The following TTC7A variants were observed in gnomAD, a reference collection of about 807,000 sequenced individuals.
The protein encoded by TTC7A is tetratricopeptide repeat domain 7A.
TTC7A carries 110 observed loss-of-function variants against 103.7 expected under a neutral mutation model. The observed-to-expected ratio is 1.06, with a 90% CI of 0.91 to 1.24. The LOEUF is 1.24. Ranked by LOEUF, TTC7A falls within the 50% of genes most tolerant of loss-of-function variation. The pLI is 0.00. For synonymous variants in TTC7A, 521 were observed against 467.9 expected, an observed-to-expected ratio of 1.11 and a Z score of -1.47; for missense variants, 1,340 against 1,116.3, an observed-to-expected ratio of 1.20 and a Z score of -2.86.
At chr2:47,011,818 G>T (rs1336245655) in intron 11 of TTC7A, among the ~76,000 whole-genome samples, 1 of 152,250 alleles carries the variant, frequency 6.6e-6, no homozygotes, top group African/African-American at 2.4e-5. Flanking sequence ...GGCCTGCAAG[G>T]CGCGATTCTG....
At chr2:47,005,435 A>G (rs1389396316) in intron 8 of TTC7A, among the ~76,000 whole-genome samples, 1 of 152,114 alleles carries the variant, frequency 6.6e-6, no homozygotes, top group African/African-American at 2.4e-5. Flanking sequence ...CTGTTCCATA[A>G]AACGACTGGC....
intron 19 of TTC7A, among the ~76,000 whole-genome samples, chr2:47,073,470 G>GGAAC (rs1684946710): frequency 6.6e-6 from 1 of 152,242 alleles, no homozygotes; most frequent in Admixed American, 6.5e-5. Flanking sequence ...GGCAGGAACA[G>GGAAC]AGCTCCTGCA....
At chr2:46,945,507 C>T (rs1345671742) in intron 1 of TTC7A, among the ~76,000 whole-genome samples, 2 of 152,242 alleles carry the variant, frequency 1.3e-5, no homozygotes, top group African/African-American at 2.4e-5. Context: ...CTCGGCCTCC[C>T]GAAGTGCTGG....
intron 16 of TTC7A, 127 bp from the exon 17 acceptor site, chr2:47,049,822 G>A (rs1682691016): frequency 1.4e-6 from 1 of 695,960 alleles, no homozygotes; most frequent in African/African-American, 1.8e-5. Flanking sequence ...CACAGCCCCA[G>A]AGCCTGCCTG....
intron 15 of TTC7A, among the ~76,000 whole-genome samples, chr2:47,044,472 A>G (rs1682094211): frequency 6.6e-6 from 1 of 151,972 alleles, no homozygotes; most frequent in Admixed American, 6.5e-5. Flanking sequence ...GGTCATTCCT[A>G]CTCAGGGCTG....
rs376234186 is a variant in TTC7A at position 46,997,983 on chromosome 2, G to A, written c.1065+2784G>A. 5.3e-5 allele frequency among the ~76,000 whole-genome samples: 8 copies of A among 152,122 alleles called. No individual in the cohort carries two copies. The South Asian group carries it at 8.3e-4, about 16-fold the overall frequency. On this transcript the variant is annotated intron_variant, in intron 8 of 19. Transcript: ENST00000319190. ...GCCAGGTGGGTTTTCCTGAGTATGC[G>A]ATCTCCTCCAAGCAGCTCTTTCCCT...
chr2:46,978,264 G>C (rs1674069972), intron 4 of TTC7A: 1 of 154,008 alleles, frequency 6.5e-6, no homozygotes. Flanking sequence ...GAGTGGAGAG[G>C]GGAACCTGAC....
intron 15 of TTC7A, among the ~76,000 whole-genome samples, chr2:47,039,045 G>A (rs1681460950): frequency 6.6e-6 from 1 of 152,122 alleles, no homozygotes; most frequent in Non-Finnish European, 1.5e-5. Context: ...CATGCGCCAG[G>A]CACAGGCTCT....
In TTC7A at chr2:47,007,378, A is replaced by G. The variant is rs1677531356; in HGVS notation, c.1287+654A>G. 6.6e-6 allele frequency among the ~76,000 whole-genome samples: 1 copy of G among 152,190 alleles called. No homozygotes were observed. Among genetic ancestry groups the G allele is most frequent in the East Asian group, 1.9e-4 (1 of 5,190 alleles). Reference sequence around the variant, plus strand: ...TATACTTACATAAGCCTCTATTTTAAGCAGTGACATGAAAGGAAAACCTTT... The same window carrying G: ...TATACTTACATAAGCCTCTATTTTAGGCAGTGACATGAAAGGAAAACCTTT... On this transcript the variant is annotated intron_variant, in intron 10 of 19. Coordinates refer to ENST00000319190, the MANE Select transcript of TTC7A (RefSeq NM_020458.4). The surrounding 1 kb of genome is among the most constrained non-coding windows in gnomAD (Gnocchi z 4.9).
chr2:47,061,015 C>G lies in TTC7A; in HGVS notation c.2355+44C>G, dbSNP rs564101237. On this transcript the variant is annotated intron_variant, in intron 19 of 19. Transcript: ENST00000319190. Reference sequence around the variant, plus strand: ...CGCTCCCACCACCTCCTCCCACAGCCTCAGGGCCCTTATCCCGCTTTGTCC... The same window carrying G: ...CGCTCCCACCACCTCCTCCCACAGCGTCAGGGCCCTTATCCCGCTTTGTCC... 1.2e-5 allele frequency: 18 copies of G among 1,529,992 alleles called. No individual in the cohort carries two copies. The Admixed American group carries it at 3.5e-4, about 30-fold the overall frequency. 94.8% of individuals were successfully genotyped at this position (1,529,992 alleles called of 1,614,324 possible). A position where few individuals can be genotyped will look rare whatever the true frequency, so the allele number is the denominator to read the frequency against.
intron 1 of TTC7A, among the ~76,000 whole-genome samples, chr2:46,944,934 G>A (rs1043453270): frequency 1.3e-5 from 2 of 152,086 alleles, no homozygotes; most frequent in Non-Finnish European, 2.9e-5. Context: ...TTAGAGTCAG[G>A]ATCCAAATTA....
intron 3 of TTC7A, among the ~76,000 whole-genome samples, chr2:46,966,803 T>C (rs1241259408): frequency 6.6e-6 from 1 of 151,856 alleles, no homozygotes; most frequent in Non-Finnish European, 1.5e-5. Flanking sequence ...TTTTTTTTTT[T>C]TTTCGAAGAT....
chr2:47,029,154 G>A (rs1680233864), intron 14 of TTC7A, 70 bp from the exon 15 acceptor site: 1 of 1,570,900 alleles, frequency 6.4e-7, no homozygotes, highest in African/African-American at 1.3e-5. Flanking sequence ...CTTGTTGACT[G>A]GCACGTGGCT....
intron 11 of TTC7A, among the ~76,000 whole-genome samples, chr2:47,018,039 G>A (rs969577931): frequency 6.6e-6 from 1 of 152,134 alleles, no homozygotes; most frequent in Non-Finnish European, 1.5e-5. Context: ...CACTTTGGGA[G>A]GCCAAAGCAG....
chr2:47,049,543 AG>A (rs1190522500), intron 16 of TTC7A, among the ~76,000 whole-genome samples: 1 of 151,812 alleles, frequency 6.6e-6, no homozygotes, highest in Non-Finnish European at 1.5e-5. Context: ...CTTTTTCCAT[AG>A]GGGTTTGGGG....
chr2:46,921,278 C>T (rs373928142), intron 2 of TTC7A, among the ~76,000 whole-genome samples: 1 of 152,074 alleles, frequency 6.6e-6, no homozygotes, highest in African/African-American at 2.4e-5. Context: ...TCCTAAATAA[C>T]GTAGAAAAAA....
intron 2 of TTC7A, among the ~76,000 whole-genome samples, chr2:46,918,227 T>C (rs895536635): frequency 6.6e-6 from 1 of 152,206 alleles, no homozygotes; most frequent in Non-Finnish European, 1.5e-5. Flanking sequence ...ATGTCACTGG[T>C]ACTCATTCTG....
intron 3 of TTC7A, among the ~76,000 whole-genome samples, chr2:46,961,104 G>C (rs1188137284): frequency 2.0e-5 from 3 of 152,180 alleles, no homozygotes; most frequent in Non-Finnish European, 4.4e-5. Flanking sequence ...TGGCCCCTTT[G>C]TAACTTCCGC....
intron 3 of TTC7A, among the ~76,000 whole-genome samples, chr2:46,968,912 G>A (rs1407467798): frequency 6.7e-6 from 1 of 148,266 alleles, no homozygotes; most frequent in African/African-American, 2.5e-5. Context: ...TCCACCCCAG[G>A]CAACCTCTGT....
Sources: gnomAD v4.1 joint callset for allele counts (sites outside exome capture counted in the v4.1 genomes callset) on GRCh38, gnomAD v4.1.1 for gene constraint, Gnocchi (gnomAD v3.1) non-coding constraint, MANE v1.5 for transcripts, NCBI Gene and HGNC (gene_info 2026-07-23, HGNC 2026-07-21) for gene names.